The following MPRIP variants were observed in gnomAD, a reference collection of about 807,000 sequenced individuals.
MPRIP encodes the protein myosin phosphatase Rho-interacting protein.
In MPRIP, 59 loss-of-function variants were observed where a neutral mutation model predicts 234.9. That is an observed-to-expected ratio of 0.25 (90% CI 0.20 to 0.31). MPRIP has a LOEUF of 0.31. Ranked by LOEUF, MPRIP falls within the 10% of genes least tolerant of loss-of-function variation. The probability of loss-of-function intolerance (pLI) is 1.00; values close to 1 mark genes in which losing one functional copy is unlikely to be tolerated. For synonymous variants in MPRIP, 1,144 were observed against 1,263.9 expected, an observed-to-expected ratio of 0.91 and a Z score of 2.01; for missense variants, 2,436 against 3,071.0, an observed-to-expected ratio of 0.79 and a Z score of 4.89.
intron 1 of MPRIP, among the ~76,000 whole-genome samples, chr17:17,074,309 G>A (rs550519059): frequency 6.0e-4 from 92 of 152,340 alleles, no homozygotes; most frequent in Admixed American, 5.9e-3. Context: ...GCTGGGTGTG[G>A]CTGAGGAAGG....
Position 17,166,452 on chromosome 17 carries a change from G to A in MPRIP, c.4861G>A (p.Val1621Met). The change falls in exon 16 of 24, where the codon GTG becomes ATG. Residue 1621 changes from valine to methionine, a missense_variant. Coordinates refer to ENST00000651222, the MANE Select transcript of MPRIP (RefSeq NM_001364716.4). This position sits in a 1 kb window ranked among gnomAD's most constrained non-coding sequence, Gnocchi z 4.4. Reference sequence around the variant, plus strand: ...AGACACCTGGGCCAGGAAGGTCCTAGTGGATGGTGAGTTCTGGAGCCAGGT... The same window carrying A: ...AGACACCTGGGCCAGGAAGGTCCTAATGGATGGTGAGTTCTGGAGCCAGGT... ...PVDTWARKVL[V>M]DGEFWSQVES... 7.7e-7 allele frequency: 1 copy of A among 1,304,374 alleles called. No individual in the cohort carries two copies. Among genetic ancestry groups the A allele is most frequent in the East Asian group, 5.5e-5 (1 of 18,036 alleles). 80.8% of individuals were successfully genotyped at this position (1,304,374 alleles called of 1,614,324 possible).
chr17:17,164,597 G>C lies in MPRIP; in HGVS notation c.3006G>C (p.Gln1002His). Reference sequence around the variant, plus strand: ...AGGAGCGCATTGCCGACCTCAGCCAGCAACTGGGCGCCAGTGAGCAGGCGC... The same window carrying C: ...AGGAGCGCATTGCCGACCTCAGCCACCAACTGGGCGCCAGTGAGCAGGCGC... ...RLQERIADLS[Q>H]QLGASEQAQR... Residue 1002 changes from glutamine to histidine, a missense_variant, in exon 16 of 24, where the codon CAG becomes CAC. Coordinates refer to ENST00000651222, the MANE Select transcript of MPRIP (RefSeq NM_001364716.4). 8.2e-7 allele frequency: 1 copy of C among 1,212,920 alleles called. No homozygotes were observed. Among genetic ancestry groups the C allele is most frequent in the Non-Finnish European group, 1.1e-6 (1 of 947,442 alleles). 75.1% of individuals were successfully genotyped at this position (1,212,920 alleles called of 1,614,324 possible). A position where few individuals can be genotyped will look rare whatever the true frequency, so the allele number is the denominator to read the frequency against.
intron 3 of MPRIP, among the ~76,000 whole-genome samples, chr17:17,080,835 G>A (rs1273103288): frequency 6.6e-6 from 1 of 152,198 alleles, no homozygotes; most frequent in Non-Finnish European, 1.5e-5. Context: ...AGATTTCCTG[G>A]AGTGAGGGGG....
intron 3 of MPRIP, among the ~76,000 whole-genome samples, chr17:17,079,673 C>T (rs923664323): frequency 2.6e-5 from 4 of 152,112 alleles, no homozygotes; most frequent in African/African-American, 9.7e-5. Flanking sequence ...CATGAACCAT[C>T]CCAAAAAAAC....
chr17:17,121,172 G>A (rs1049051282), intron 3 of MPRIP, among the ~76,000 whole-genome samples: 1 of 152,180 alleles, frequency 6.6e-6, no homozygotes, highest in Non-Finnish European at 1.5e-5. Context: ...TTCTCAGGCA[G>A]TTTGGTCCTT....
chr17:17,053,144 T>C (rs2088592581), intron 1 of MPRIP, among the ~76,000 whole-genome samples: 8 of 151,982 alleles, frequency 5.3e-5, no homozygotes, highest in Admixed American at 5.2e-4. Context: ...TGGCTTCTGC[T>C]TGGGGACCTG....
intron 3 of MPRIP, among the ~76,000 whole-genome samples, chr17:17,100,904 G>T (rs1182045040): frequency 6.6e-6 from 1 of 152,124 alleles, no homozygotes; most frequent in African/African-American, 2.4e-5. Context: ...CAAAAAGTTT[G>T]GGGACCACTG....
At position 17,065,977 on chromosome 17, in the gene MPRIP, T is replaced by C. The variant is rs1170650913; in HGVS notation, c.124-9733T>C. On this transcript the variant is annotated intron_variant, in intron 1 of 23. Transcript: ENST00000651222. ...CCGTTGCTAGCATATAGAGATACAATTGATTTTTGTATGCTGATCCTGTAT... is the reference window on the plus strand; with the variant it reads ...CCGTTGCTAGCATATAGAGATACAACTGATTTTTGTATGCTGATCCTGTAT... Among the ~76,000 whole-genome samples, 3 of 152,238 alleles carry C rather than the reference T, an allele frequency of 2.0e-5. No individual in the cohort carries two copies. In the East Asian group the frequency reaches 5.8e-4, roughly 29 times the overall value.
chr17:17,130,610 C>T (rs2090578414), intron 4 of MPRIP, among the ~76,000 whole-genome samples: 1 of 152,104 alleles, frequency 6.6e-6, no homozygotes, highest in South Asian at 2.1e-4. Flanking sequence ...CCCAGGCTGC[C>T]AGCAGGCCCA....
chr17:17,058,882 C>T (rs1332878238), intron 1 of MPRIP, among the ~76,000 whole-genome samples: 1 of 152,096 alleles, frequency 6.6e-6, no homozygotes, highest in Non-Finnish European at 1.5e-5. Context: ...ATCAGCAGGG[C>T]TGCTCCCCAA....
chr17:17,044,941 G>A (rs2088296671), intron 1 of MPRIP, among the ~76,000 whole-genome samples: 1 of 152,082 alleles, frequency 6.6e-6, no homozygotes, highest in Admixed American at 6.5e-5. Flanking sequence ...TCTACCTCCT[G>A]GGATCTTTCA....
At chr17:17,105,994 G>C (rs2090056293) in intron 3 of MPRIP, among the ~76,000 whole-genome samples, 1 of 152,232 alleles carries the variant, frequency 6.6e-6, no homozygotes, top group South Asian at 2.1e-4. Flanking sequence ...GGTTCAGCTT[G>C]ATGAAGTTTC....
At position 17,042,754 on chromosome 17, in the gene MPRIP, T is replaced by G; in HGVS notation, c.-95T>G. On this transcript the variant is annotated 5_prime_UTR_variant, in exon 1 of 24. An upstream start codon of the reference 5' UTR is lost. Coordinates refer to ENST00000651222, the MANE Select transcript of MPRIP (RefSeq NM_001364716.4). ...GGCCTGCGGCGGGGCCGGCGAGGGA[T>G]GCGGCGCGGCCGCGCTGAGCCCCTA... The G allele has an allele frequency of 1.2e-6, 1 of 828,056 alleles. No homozygotes were observed. Among genetic ancestry groups the G allele is most frequent in the Non-Finnish European group, 1.3e-6 (1 of 756,514 alleles). The allele number at this position is 828,056 out of a possible 1,614,324, so 51.3% of individuals were successfully genotyped here.
rs1276238121 is a variant in MPRIP at position 17,167,610 on chromosome 17, C to G, written c.6019C>G (p.Arg2007Gly). 60 of 1,304,098 alleles carry G rather than the reference C, an allele frequency of 4.6e-5. No homozygotes were observed. Among genetic ancestry groups the G allele is most frequent in the Non-Finnish European group, 5.4e-5 (53 of 988,946 alleles). 80.8% of individuals were successfully genotyped at this position (1,304,098 alleles called of 1,614,324 possible). Residue 2007 changes from arginine to glycine, a missense_variant, in exon 16 of 24, where the codon CGG (arginine) becomes GGG (glycine). By Grantham distance (125) the Arg-to-Gly change is moderately radical. Around this residue, in one of 4 missense-constraint regions of MPRIP, gnomAD observed 1,998 missense variants for 2,520.3 expected, o/e 0.79. Transcript: ENST00000651222. The surrounding 1 kb of genome is among the most constrained non-coding windows in gnomAD (Gnocchi z 5.9). ...TLEDRFQLKV[R>G]ELQTIHEEEL... ...GGAGGACAGGTTCCAGCTCAAGGTC[C>G]GGGAGCTGCAGACGATCCACGAGGA...
chr17:17,107,387 G>A (rs1490900035), intron 3 of MPRIP, among the ~76,000 whole-genome samples: 1 of 152,258 alleles, frequency 6.6e-6, no homozygotes, highest in Non-Finnish European at 1.5e-5. Context: ...TTGGGTAGAT[G>A]TGGGGAGCAG....
intron 18 of MPRIP, 28 bp downstream of exon 18, chr17:17,172,843 C>T: frequency 1.3e-6 from 2 of 1,584,556 alleles, no homozygotes; most frequent in Admixed American, 1.7e-5. Flanking sequence ...CCCATCTGCC[C>T]TTGGGAGGGC....
rs1421716818 is a variant in MPRIP, at chr17:17,179,036, G to C, written c.7121-967G>C. 2.6e-5 allele frequency among the ~76,000 whole-genome samples: 4 copies of C among 152,220 alleles called. No homozygotes were observed. The East Asian group carries it at 5.8e-4, about 22-fold the overall frequency. On this transcript the variant is annotated intron_variant, in intron 22 of 23. Transcript: ENST00000651222. ...ATCTGTCTCTTAAAAGAAACAGAGG[G>C]CGGGCGTGGTGGCACCCGCCTGTAA...
At chr17:17,115,166 G>C (rs947595501) in intron 3 of MPRIP, among the ~76,000 whole-genome samples, 4 of 152,254 alleles carry the variant, frequency 2.6e-5, no homozygotes, top group Non-Finnish European at 5.9e-5. Context: ...AGCATGCACT[G>C]TCTCTGGGGC....
At chr17:17,067,656 A>G (rs2089074418) in intron 1 of MPRIP, among the ~76,000 whole-genome samples, 1 of 152,196 alleles carries the variant, frequency 6.6e-6, no homozygotes, top group Non-Finnish European at 1.5e-5. Context: ...AATGAGGAAT[A>G]TTAGTCCATA....
Sources: allele counts gnomAD v4.1 joint callset (sites outside exome capture counted in the v4.1 genomes callset), GRCh38; gene constraint gnomAD v4.1.1; regional missense constraint gnomAD v4.1.1; non-coding constraint Gnocchi (gnomAD v3.1); transcripts MANE v1.5; gene names NCBI Gene and HGNC (gene_info 2026-07-23, HGNC 2026-07-21).